The following CAST variants were observed in gnomAD, a reference collection of about 807,000 sequenced individuals.
CAST encodes MIR583 host.
CAST carries 76 observed loss-of-function variants against 119.6 expected under a neutral mutation model. That is an observed-to-expected ratio of 0.64 (90% CI 0.53 to 0.77). The LOEUF is 0.77. CAST is among the 30% of genes least tolerant of loss of function. The pLI, the probability that CAST is intolerant of heterozygous loss-of-function variation, is 0.00. For missense variants in CAST, 953 were observed against 946.5 expected (o/e 1.01, Z -0.09); for synonymous variants, 319 against 331.6 (o/e 0.96, Z 0.41).
chr5:95,963,193 T>C, the CAST span, among the ~76,000 whole-genome samples: 806 of 152,362 alleles, frequency 5.3e-3, 10 homozygotes, highest in Admixed American at 9.9e-3. Context: ...CCATGTTCTG[T>C]TCTACTGGGA....
the CAST span, among the ~76,000 whole-genome samples, chr5:96,059,471 G>C: frequency 1.3e-5 from 2 of 152,086 alleles, no homozygotes; most frequent in African/African-American, 4.8e-5. Flanking sequence ...ATCCCCTAAA[G>C]GATCTAAGGC....
At chr5:96,764,423 C>G (rs919646472) in intron 25 of CAST, among the ~76,000 whole-genome samples, 1 of 152,086 alleles carries the variant, frequency 6.6e-6, no homozygotes, top group Non-Finnish European at 1.5e-5. Context: ...ATATTGTTGT[C>G]CATAATTTTT....
the CAST span, chr5:95,961,612 G>T: frequency 6.2e-7 from 1 of 1,606,192 alleles, no homozygotes; most frequent in Non-Finnish European, 8.5e-7. Context: ...CCGGATCGCC[G>T]TCTCGGTGAG....
the CAST span, among the ~76,000 whole-genome samples, chr5:96,063,914 G>GGT: frequency 1.3e-5 from 2 of 152,102 alleles, no homozygotes; most frequent in African/African-American, 4.8e-5. Context: ...AACACAAGAA[G>GGT]GTGTGTGTGT....
chr5:96,401,102 A>G, the CAST span, among the ~76,000 whole-genome samples: 1 of 151,410 alleles, frequency 6.6e-6, no homozygotes, highest in Non-Finnish European at 1.5e-5. Context: ...AAAAAAAAAA[A>G]AAAAAAAAAA....
chr5:96,426,004 G>A, the CAST span: 2 of 825,732 alleles, frequency 2.4e-6, no homozygotes, highest in African/African-American at 3.4e-5. Flanking sequence ...ACTATCTCCA[G>A]TACCCTTCCC....
the CAST span, among the ~76,000 whole-genome samples, chr5:96,324,983 T>C: frequency 6.6e-6 from 1 of 152,140 alleles, no homozygotes; most frequent in African/African-American, 2.4e-5. Flanking sequence ...AGTGGGTGAA[T>C]CACTTGAGCT....
chr5:96,254,728 A>G, the CAST span, among the ~76,000 whole-genome samples: 1 of 152,162 alleles, frequency 6.6e-6, no homozygotes, highest in Non-Finnish European at 1.5e-5. Flanking sequence ...TACAAAGTAG[A>G]CATGGACTGA....
the CAST span, among the ~76,000 whole-genome samples, chr5:96,384,288 T>C: frequency 6.6e-6 from 1 of 152,186 alleles, no homozygotes; most frequent in Non-Finnish European, 1.5e-5. Flanking sequence ...GGAAGCACAA[T>C]TCTCATCAGC....
At chr5:96,099,506 C>G in the CAST span, among the ~76,000 whole-genome samples, 1 of 152,040 alleles carries the variant, frequency 6.6e-6, no homozygotes, top group African/African-American at 2.4e-5. Context: ...TCCTTCAGTA[C>G]CTAGTTTATT....
At chr5:96,455,414 C>A in the CAST span, among the ~76,000 whole-genome samples, 1 of 152,194 alleles carries the variant, frequency 6.6e-6, no homozygotes, top group Non-Finnish European at 1.5e-5. Context: ...TAAATGTCTT[C>A]TGGAAACAAG....
In CAST at chr5:96,585,542, G is replaced by A. The variant is rs373291573; in HGVS notation, c.60+55662G>A. 5.9e-5 allele frequency among the ~76,000 whole-genome samples: 9 copies of A among 152,166 alleles called. No individual in the cohort carries two copies. The East Asian group carries it at 1.2e-3, about 20-fold the overall frequency. ...TAATATTATACCATAGCAAAGTTGA[G>A]GGGTAGGCTGGGGAGCTAAGGAAAA... is the stretch of plus-strand genomic sequence containing the variant. On this transcript the variant is annotated intron_variant, in intron 1 of 11. Coordinates refer to the CAST transcript ENST00000505143.
chr5:96,750,061 G>T (rs1764662036), intron 19 of CAST, among the ~76,000 whole-genome samples: 1 of 152,106 alleles, frequency 6.6e-6, no homozygotes, highest in Non-Finnish European at 1.5e-5. Context: ...TCCAAAACTT[G>T]TGGCTTATTA....
chr5:96,350,432 T>G, the CAST span, among the ~76,000 whole-genome samples: 1 of 152,124 alleles, frequency 6.6e-6, no homozygotes, highest in Non-Finnish European at 1.5e-5. Context: ...GAGGACAAAG[T>G]TCTGTCCTTT....
chr5:96,372,869 T>C, the CAST span, among the ~76,000 whole-genome samples: 9 of 152,174 alleles, frequency 5.9e-5, no homozygotes, highest in East Asian at 1.9e-4. Context: ...TCTAGGAAGA[T>C]TGGCTCCGGG....
At chr5:96,420,984 G>C in the CAST span, among the ~76,000 whole-genome samples, 1 of 152,240 alleles carries the variant, frequency 6.6e-6, no homozygotes. Flanking sequence ...GATCATTTTG[G>C]TGCAAGTCTC....
chr5:95,966,628 A>G, the CAST span, among the ~76,000 whole-genome samples: 4 of 152,210 alleles, frequency 2.6e-5, no homozygotes, highest in Admixed American at 2.0e-4. Flanking sequence ...CTTCCAGTTC[A>G]AAGCCCTTCT....
intron 1 of CAST, among the ~76,000 whole-genome samples, chr5:96,673,309 A>G (rs1750336364): frequency 6.6e-6 from 1 of 152,258 alleles, no homozygotes; most frequent in Non-Finnish European, 1.5e-5. Flanking sequence ...AGACAAATTT[A>G]ACAGAGCTTA....
At chr5:96,151,911 G>T in the CAST span, among the ~76,000 whole-genome samples, 1 of 152,288 alleles carries the variant, frequency 6.6e-6, no homozygotes, top group East Asian at 1.9e-4. Flanking sequence ...TCTGTTCTAA[G>T]CTCCCAGTAA....
Sources: allele counts gnomAD v4.1 joint callset (sites outside exome capture counted in the v4.1 genomes callset), GRCh38; gene constraint gnomAD v4.1.1; transcripts MANE v1.5; gene names NCBI Gene and HGNC (gene_info 2026-07-23, HGNC 2026-07-21).